CPSF3: variants seen among roughly 807,000 people sequenced by gnomAD.
The protein encoded by CPSF3 is cleavage and polyadenylation specific factor 3.
Under a neutral mutation model 84.1 loss-of-function variants are expected in CPSF3, and 57 were observed. That is an observed-to-expected ratio of 0.68 (90% CI 0.55 to 0.85). The LOEUF is 0.85. Among genes scored for constraint, CPSF3 ranks in the 40% least tolerant of loss-of-function variants. The pLI is 0.00. For missense variants in CPSF3, 522 were observed against 838.8 expected (o/e 0.62, Z 4.66); for synonymous variants, 275 against 278.1 (o/e 0.99, Z 0.11).
rs539973130 is a variant in CPSF3 at position 9,465,699 on chromosome 2, G to GCC, written c.1787-2003_1787-2002dup. Among the ~76,000 whole-genome samples the GCC allele has an allele frequency of 1.7e-3, 265 of 152,204 alleles. 3 individuals carry two copies. The highest frequency in any genetic ancestry group is 5.3e-3 in the African/African-American group (222 of 41,524). ...GCCAGCCCAGCTTTCAACTCTTAAG[G>GCC]CCCCCCATCCTTCTAAGAGCTCAGC... On this transcript the variant is annotated intron_variant, in intron 15 of 17. Coordinates refer to ENST00000238112, the MANE Select transcript of CPSF3 (RefSeq NM_016207.4).
chr2:9,466,895 T>A (rs1682000856), intron 15 of CPSF3, among the ~76,000 whole-genome samples: 1 of 152,268 alleles, frequency 6.6e-6, no homozygotes, highest in Admixed American at 6.5e-5. Flanking sequence ...ACATTTTGTT[T>A]ATCCATTCAT....
At chr2:9,450,525 C>T (rs372044533) in intron 11 of CPSF3, among the ~76,000 whole-genome samples, 1 of 152,124 alleles carries the variant, frequency 6.6e-6, no homozygotes, top group Non-Finnish European at 1.5e-5. Flanking sequence ...CTGTGGCTCA[C>T]GCCCATAATC....
In CPSF3 at chr2:9,448,185, T is replaced by A. The variant is rs745552925; in HGVS notation, c.1243-13T>A. 4.2e-5 allele frequency: 64 copies of A among 1,534,356 alleles called. No homozygotes were observed. The Admixed American group carries it at 7.1e-4, about 17-fold the overall frequency. ...ATGTTTCCATATATTCTTTTAACATTTATTCTATGTAGATTTTAGTCCATG... is the reference window on the plus strand; with the variant it reads ...ATGTTTCCATATATTCTTTTAACATATATTCTATGTAGATTTTAGTCCATG... On this transcript the variant is annotated splice_polypyrimidine_tract_variant and intron_variant, in intron 10 of 17. Transcript: ENST00000238112.
At chr2:9,451,905 A>G (rs1681345384) in intron 11 of CPSF3, among the ~76,000 whole-genome samples, 1 of 151,830 alleles carries the variant, frequency 6.6e-6, no homozygotes, top group South Asian at 2.1e-4. Flanking sequence ...TTTAGTAGAG[A>G]CGGGGTTTCA....
At position 9,442,290 on chromosome 2, in the gene CPSF3, A is replaced by T. The variant is rs184144936; in HGVS notation, c.1095+314A>T. On this transcript the variant is annotated intron_variant, in intron 9 of 17. Coordinates refer to ENST00000238112, the MANE Select transcript of CPSF3 (RefSeq NM_016207.4). ...GAATACTCTCCGTCCTCTCATGAAGAAGAGGTTGACTAATACATATGATCT... is the reference window on the plus strand; with the variant it reads ...GAATACTCTCCGTCCTCTCATGAAGTAGAGGTTGACTAATACATATGATCT... 5.3e-5 allele frequency among the ~76,000 whole-genome samples: 8 copies of T among 152,246 alleles called. No individual in the cohort carries two copies. In the East Asian group the frequency reaches 1.2e-3, roughly 22 times the overall value.
At chr2:9,442,078 A>C in intron 9 of CPSF3, 102 bp downstream of exon 9, 1 of 1,228,658 alleles carries the variant, frequency 8.1e-7, no homozygotes, top group South Asian at 1.4e-5. Context: ...CAAATAATAC[A>C]AGTTTTGATT....
At chr2:9,433,273 G>A (rs769625298) in intron 5 of CPSF3, among the ~76,000 whole-genome samples, 53 of 152,206 alleles carry the variant, frequency 3.5e-4, no homozygotes, top group Admixed American at 2.0e-4. Flanking sequence ...AAATCTGGAG[G>A]CGCAGCTTGG....
chr2:9,432,592 T>G lies in CPSF3; in HGVS notation c.423T>G (p.His141Gln). The G allele has an allele frequency of 6.3e-7, 1 of 1,586,994 alleles. No individual in the cohort carries two copies. The highest frequency in any genetic ancestry group is 8.6e-7 in the Non-Finnish European group (1 of 1,160,158). The change falls in exon 5 of 18, where the codon CAT becomes CAG. Residue 141 changes from histidine (H) to glutamine (Q), a missense_variant. This residue lies in a region of CPSF3 where 329 missense variants were observed against 607.2 expected (regional missense o/e 0.54). Coordinates refer to ENST00000238112, the MANE Select transcript of CPSF3 (RefSeq NM_016207.4). ...SMDKIETINF[H>Q]EVKEVAGIKF... ...ACAAAATTGAAACTATCAACTTTCA[T>G]GAAGTTAAGGAAGTTGCGGGAATCA...
intron 1 of CPSF3, chr2:9,424,220 G>A (rs1244238173): frequency 9.9e-7 from 1 of 1,006,098 alleles, no homozygotes; most frequent in Non-Finnish European, 1.2e-6. Flanking sequence ...ACCTGAATGA[G>A]GCTACAGCCG....
chr2:9,462,173 C>T (rs771993212), intron 15 of CPSF3, among the ~76,000 whole-genome samples: 3 of 152,184 alleles, frequency 2.0e-5, no homozygotes, highest in Non-Finnish European at 4.4e-5. Flanking sequence ...CTTTGGGCCA[C>T]GCAGCTTTCA....
intron 16 of CPSF3, among the ~76,000 whole-genome samples, chr2:9,468,538 G>T (rs767305143): frequency 6.6e-6 from 1 of 151,104 alleles, no homozygotes; most frequent in Non-Finnish European, 1.5e-5. Context: ...GTTTAACAAA[G>T]TAAGGTGGCC....
chr2:9,466,318 A>ATG (rs1558466365), intron 15 of CPSF3, among the ~76,000 whole-genome samples: 8 of 83,592 alleles, frequency 9.6e-5, no homozygotes, highest in Non-Finnish European at 2.2e-4. Flanking sequence ...ACACTGACGC[A>ATG]CGCACACAGA....
rs1032547242 is a variant in CPSF3 at position 9,423,843 on chromosome 2, G to A, written c.50+20G>A. On this transcript the variant is annotated intron_variant, in intron 1 of 17. Transcript: ENST00000238112. ...ACCCCTGTAAGGGACCAGCGAGAGA[G>A]GGAATGAAGCCACGGGCTGTGAGGG... 1.1e-5 allele frequency: 18 copies of A among 1,611,624 alleles called. No individual in the cohort carries two copies. The highest frequency in any genetic ancestry group is 1.5e-5 in the Non-Finnish European group (18 of 1,179,040).
At chr2:9,465,678 G>A (rs1244504054) in intron 15 of CPSF3, among the ~76,000 whole-genome samples, 1 of 152,090 alleles carries the variant, frequency 6.6e-6, no homozygotes, top group Admixed American at 6.5e-5. Flanking sequence ...ATTTGGGCCA[G>A]CCCAGCTTTC....
chr2:9,469,502 G>A (rs529146939), intron 16 of CPSF3, among the ~76,000 whole-genome samples: 1 of 152,268 alleles, frequency 6.6e-6, no homozygotes, highest in East Asian at 1.9e-4. Context: ...TGCAGTCGGG[G>A]TGCAGAATGG....
At chr2:9,458,834 C>T (rs1053369490) in intron 14 of CPSF3, among the ~76,000 whole-genome samples, 3 of 151,526 alleles carry the variant, frequency 2.0e-5, no homozygotes, top group Non-Finnish European at 2.9e-5. Context: ...CCCTCTTGGC[C>T]GGGCGCGGTG....
chr2:9,467,392 AT>A (rs1682013415), intron 15 of CPSF3, among the ~76,000 whole-genome samples: 1 of 152,232 alleles, frequency 6.6e-6, no homozygotes, highest in Non-Finnish European at 1.5e-5. Context: ...AGTTTAAGAA[AT>A]GTGGGAAATA....
At chr2:9,448,170 AT>A (rs1346910334) in intron 10 of CPSF3, 27 bp from the exon 11 acceptor site, 4 of 1,404,268 alleles carry the variant, frequency 2.8e-6, no homozygotes, top group Non-Finnish European at 3.9e-6. Flanking sequence ...ATGTTTCCAT[AT>A]ATTCTTTTAA....
At chr2:9,426,476 C>CA (rs1367278688) in intron 1 of CPSF3, among the ~76,000 whole-genome samples, 2 of 152,138 alleles carry the variant, frequency 1.3e-5, no homozygotes, top group Non-Finnish European at 2.9e-5. Flanking sequence ...TACCTAGTGT[C>CA]ACGTGTATGT....
Sources: allele counts gnomAD v4.1 joint callset (sites outside exome capture counted in the v4.1 genomes callset), GRCh38; gene constraint gnomAD v4.1.1; regional missense constraint gnomAD v4.1.1; transcripts MANE v1.5; gene names NCBI Gene and HGNC (gene_info 2026-07-23, HGNC 2026-07-21).